The following PID1 variants were observed in gnomAD, a reference collection of about 807,000 sequenced individuals.
The protein encoded by PID1 is phosphotyrosine interaction domain containing 1.
A neutral mutation model predicts 19.1 loss-of-function variants in PID1; 10 were observed. That is an observed-to-expected ratio of 0.52 (90% CI 0.32 to 0.89). The LOEUF (loss-of-function observed/expected upper bound fraction) is 0.89, where lower values mean the gene tolerates loss of function less well. Among genes scored for constraint, PID1 ranks in the 40% least tolerant of loss-of-function variants. The pLI, the probability that PID1 is intolerant of heterozygous loss-of-function variation, is 0.03. For synonymous variants in PID1, 130 were observed against 116.0 expected, an observed-to-expected ratio of 1.12 and a Z score of -0.78; for missense variants, 248 against 285.3, an observed-to-expected ratio of 0.87 and a Z score of 0.94.
chr2:229,071,511 T>G (rs1346803663), intron 2 of PID1, among the ~76,000 whole-genome samples: 2 of 152,198 alleles, frequency 1.3e-5, no homozygotes, highest in Non-Finnish European at 2.9e-5. Context: ...ATTATCCCAA[T>G]TTACAAATAG....
chr2:229,222,502 T>C (rs1399296513), intron 1 of PID1, among the ~76,000 whole-genome samples: 2 of 152,216 alleles, frequency 1.3e-5, no homozygotes, highest in Non-Finnish European at 2.9e-5. Flanking sequence ...GAGTTAATTT[T>C]ATGTGTCAAC....
chr2:229,174,647 T>C (rs903489098), intron 1 of PID1, among the ~76,000 whole-genome samples: 3 of 150,450 alleles, frequency 2.0e-5, no homozygotes, highest in Admixed American at 2.0e-4. Flanking sequence ...TACCTATTTA[T>C]GCTGTATGGT....
intron 1 of PID1, among the ~76,000 whole-genome samples, chr2:229,202,289 G>A (rs1691514735): frequency 6.6e-6 from 1 of 152,100 alleles, no homozygotes; most frequent in African/African-American, 2.4e-5. Flanking sequence ...GGGAACTGAA[G>A]AAGCTATGAA....
chr2:229,193,971 A>G (rs938136401), intron 1 of PID1, among the ~76,000 whole-genome samples: 2 of 152,118 alleles, frequency 1.3e-5, no homozygotes, highest in Non-Finnish European at 1.5e-5. Context: ...TTGAAGCTGC[A>G]GAATGGGGGA....
chr2:229,260,073 T>C, intron 1 of PID1, among the ~76,000 whole-genome samples: 1 of 152,156 alleles, frequency 6.6e-6, no homozygotes, highest in East Asian at 1.9e-4. Flanking sequence ...TGAACTATCT[T>C]CTCTGCACCT....
chr2:229,237,847 T>C (rs556519691), intron 1 of PID1, among the ~76,000 whole-genome samples: 1 of 152,276 alleles, frequency 6.6e-6, no homozygotes, highest in South Asian at 2.1e-4. Flanking sequence ...GTCTATGGAA[T>C]TACTAACACT....
chr2:229,129,429 A>G (rs1246128327), intron 2 of PID1, among the ~76,000 whole-genome samples: 20 of 151,366 alleles, frequency 1.3e-4, no homozygotes, highest in South Asian at 2.1e-4. Flanking sequence ...AAAAAAAAAA[A>G]AGAGAGAGAG....
intron 2 of PID1, among the ~76,000 whole-genome samples, chr2:229,150,244 A>G (rs945364377): frequency 6.6e-5 from 9 of 136,840 alleles, no homozygotes; most frequent in African/African-American, 2.1e-4. Context: ...AAAAAAAAAA[A>G]GGAGAGAGAG....
chr2:229,091,926 T>C (rs1270458304), intron 2 of PID1, among the ~76,000 whole-genome samples: 3 of 152,186 alleles, frequency 2.0e-5, no homozygotes, highest in Non-Finnish European at 4.4e-5. Context: ...ACTTGCTCTG[T>C]CCTTCATAAA....
chr2:229,130,929 G>A (rs6738077), intron 2 of PID1, among the ~76,000 whole-genome samples: 2 of 151,952 alleles, frequency 1.3e-5, no homozygotes, highest in African/African-American at 4.8e-5. Context: ...CTGGCCTGTA[G>A]CTGTGTAACT....
At chr2:229,110,160 A>G (rs1217684167) in intron 2 of PID1, among the ~76,000 whole-genome samples, 1 of 152,182 alleles carries the variant, frequency 6.6e-6, no homozygotes, top group Non-Finnish European at 1.5e-5. Flanking sequence ...CAAGACCTCT[A>G]GGTTTTACGT....
chr2:229,201,433 A>G (rs1046613155), intron 1 of PID1, among the ~76,000 whole-genome samples: 4 of 152,014 alleles, frequency 2.6e-5, no homozygotes, highest in African/African-American at 9.7e-5. Context: ...AGGTTCATCC[A>G]TGTCGTGGCA....
rs532914256 is a variant in PID1 at position 229,102,771 on chromosome 2, A to G, written c.177+53047T>C. Reference sequence around the variant, plus strand: ...AGAGTGAGTCAAAACTGATGCCCAGAGTGGGCAGAGCCAGTCACAGAGTGC... The same window carrying G: ...AGAGTGAGTCAAAACTGATGCCCAGGGTGGGCAGAGCCAGTCACAGAGTGC... On this transcript the variant is annotated intron_variant, in intron 2 of 2. Coordinates refer to ENST00000392055, the MANE Select transcript of PID1 (RefSeq NM_001100818.2). Among the ~76,000 whole-genome samples, 6 of 152,314 alleles carry G rather than the reference A, an allele frequency of 3.9e-5. No individual in the cohort carries two copies. The South Asian group carries it at 1.2e-3, about 32-fold the overall frequency.
At chr2:229,082,339 G>T (rs1031502235) in intron 2 of PID1, among the ~76,000 whole-genome samples, 1 of 152,180 alleles carries the variant, frequency 6.6e-6, no homozygotes, top group South Asian at 2.1e-4. Context: ...TTCTGTGATA[G>T]GCAGAATTCT....
intron 2 of PID1, among the ~76,000 whole-genome samples, chr2:229,032,191 AT>A (rs1475831794): frequency 6.6e-6 from 1 of 152,202 alleles, no homozygotes; most frequent in Non-Finnish European, 1.5e-5. Flanking sequence ...ATACCTGTAT[AT>A]TTCTATATCA....
chr2:229,110,142 C>T (rs762090786), intron 2 of PID1, among the ~76,000 whole-genome samples: 14 of 152,154 alleles, frequency 9.2e-5, no homozygotes, highest in Non-Finnish European at 1.6e-4. Context: ...GCCTGACAAG[C>T]GTGTTAACAA....
chr2:229,058,907 CA>C (rs1306311288), intron 2 of PID1, among the ~76,000 whole-genome samples: 2 of 151,848 alleles, frequency 1.3e-5, no homozygotes, highest in Non-Finnish European at 2.9e-5. Context: ...TGAGGCAGCC[CA>C]AAGAAAAGTG....
chr2:229,031,575 G>A (rs552203452), intron 2 of PID1, among the ~76,000 whole-genome samples: 1 of 151,584 alleles, frequency 6.6e-6, no homozygotes, highest in Admixed American at 6.6e-5. Context: ...AAAAGAAAAG[G>A]AAAGAAAAGG....
intron 1 of PID1, among the ~76,000 whole-genome samples, chr2:229,247,805 T>C (rs1307157498): frequency 6.6e-6 from 1 of 152,196 alleles, no homozygotes; most frequent in Non-Finnish European, 1.5e-5. Context: ...CTTTAACAGT[T>C]TACTTGGAAA....
Sources: allele counts gnomAD v4.1 joint callset (sites outside exome capture counted in the v4.1 genomes callset), GRCh38; gene constraint gnomAD v4.1.1; transcripts MANE v1.5; gene names NCBI Gene and HGNC (gene_info 2026-07-23, HGNC 2026-07-21).